The following RETREG3 variants were observed in gnomAD, a reference collection of about 807,000 sequenced individuals.
RETREG3 encodes reticulophagy regulator 3.
In RETREG3, 23 loss-of-function variants were observed where a neutral mutation model predicts 50.2. The ratio of observed to expected loss-of-function variants is 0.46; its 90% CI spans 0.33 to 0.65. RETREG3 has a LOEUF of 0.65. RETREG3 is among the 30% of genes least tolerant of loss of function. The probability of loss-of-function intolerance (pLI) is 0.02; values close to 1 mark genes in which losing one functional copy is unlikely to be tolerated. For missense variants in RETREG3, 546 were observed against 598.0 expected, an observed-to-expected ratio of 0.91 and a Z score of 0.91; for synonymous variants, 240 against 234.4, an observed-to-expected ratio of 1.02 and a Z score of -0.22.
Position 42,586,850 on chromosome 17 carries a change from A to G in RETREG3, c.419T>C (p.Leu140Pro). The change falls in exon 4 of 9, where the codon CTC becomes CCC. Residue 140 changes from leucine to proline, a missense_variant. Transcript: ENST00000309428. ...VHPRLLSVPELCHHVAEVWVS... is the reference protein window; with the variant it reads ...VHPRLLSVPEPCHHVAEVWVS... ...CCAGACTTCAGCTACATGGTGGCAG[A>G]GCTCGGGCACGCTGAGCAACCGAGG... The G allele has an allele frequency of 6.2e-7, 1 of 1,614,144 alleles. No homozygotes were observed. Among genetic ancestry groups the G allele is most frequent in the Non-Finnish European group, 8.5e-7 (1 of 1,180,020 alleles).
rs371460668 is a variant in RETREG3, at chr17:42,583,568, G to A, written c.740C>T (p.Ala247Val). ...GTCCATGGCTCGTTCTGGGTGGAGA[G>A]CTCTGCGGCGTACTGTGGGAAGAGC... ...KQRERQLRRR[A>V]LHPERAMDNH... Residue 247 changes from alanine to valine, a missense_variant, in exon 7 of 9, where the codon GCT (alanine) becomes GTT (valine). Ala to Val is a moderately conservative substitution (Grantham distance 64). Transcript: ENST00000309428. The A allele has an allele frequency of 9.2e-5, 149 of 1,613,540 alleles. No individual in the cohort carries two copies. Among genetic ancestry groups the A allele is most frequent in the Middle Eastern group, 6.6e-4 (4 of 6,082 alleles).
intron 1 of RETREG3, among the ~76,000 whole-genome samples, chr17:42,606,092 G>C (rs1486195209): frequency 6.6e-6 from 1 of 151,696 alleles, no homozygotes; most frequent in Non-Finnish European, 1.5e-5. Context: ...ACTGTGTTCT[G>C]GATACACAAC....
intron 1 of RETREG3, among the ~76,000 whole-genome samples, chr17:42,607,730 T>C (rs2093170782): frequency 6.7e-6 from 1 of 149,822 alleles, no homozygotes. Flanking sequence ...TGCTTGAATC[T>C]GGGAGGCGGA....
chr17:42,593,579 C>A (rs562016010), intron 1 of RETREG3, among the ~76,000 whole-genome samples: 196 of 145,756 alleles, frequency 1.3e-3, no homozygotes, highest in Non-Finnish European at 2.0e-3. Context: ...ACCTGGGAGG[C>A]GGAGCTTGCA....
At position 42,597,611 on chromosome 17, in the gene RETREG3, ATATATATATTT is replaced by A. The variant is rs1195984925; in HGVS notation, c.240-5460_240-5450del. 1.5e-3 allele frequency among the ~76,000 whole-genome samples: 51 copies of A among 34,210 alleles called. 1 individual carries two copies. The highest frequency in any genetic ancestry group is 2.2e-3 in the Admixed American group (5 of 2,268). The allele number at this position is 34,210 out of a possible 152,430, so 22.4% of individuals were successfully genotyped here. A position where few individuals can be genotyped will look rare whatever the true frequency, so the allele number is the denominator to read the frequency against. On this transcript the variant is annotated intron_variant, in intron 1 of 8. Transcript: ENST00000309428. ...TATATATATATATATATATATATAT[ATATATATATTT>A]TTTTTTTTTTTTTTTTTTTTTTTTT... is the stretch of plus-strand genomic sequence containing the variant.
chr17:42,598,570 C>T (rs1214036956), intron 1 of RETREG3: 1 of 152,106 alleles, frequency 6.6e-6, no homozygotes, highest in Non-Finnish European at 1.5e-5. Flanking sequence ...CTTGCAATTC[C>T]TTAAGTATCT....
At chr17:42,584,962 C>G (rs539304757) in intron 6 of RETREG3, among the ~76,000 whole-genome samples, 163 bp downstream of exon 6, 1 of 152,106 alleles carries the variant, frequency 6.6e-6, no homozygotes, top group African/African-American at 2.4e-5. Flanking sequence ...CAAGCCTGCA[C>G]AGGTTTCCCT....
intron 1 of RETREG3, among the ~76,000 whole-genome samples, chr17:42,606,425 G>A (rs975362523): frequency 6.6e-6 from 1 of 150,634 alleles, no homozygotes; most frequent in Non-Finnish European, 1.5e-5. Context: ...GTGAAATCCC[G>A]TCTCTACTAA....
intron 8 of RETREG3, 99 bp downstream of exon 8, chr17:42,582,575 A>AAAACAGG: frequency 6.5e-7 from 1 of 1,536,466 alleles, no homozygotes; most frequent in Non-Finnish European, 8.8e-7. Flanking sequence ...CATAGCTCAG[A>AAAACAGG]AAACAGGAGA....
intron 2 of RETREG3, among the ~76,000 whole-genome samples, chr17:42,590,735 G>A (rs1323595018): frequency 6.6e-6 from 1 of 152,128 alleles, no homozygotes; most frequent in Non-Finnish European, 1.5e-5. Flanking sequence ...GGGAGGCCTA[G>A]GCGGGTGGAT....
chr17:42,607,141 TC>T (rs1424800050), intron 1 of RETREG3, among the ~76,000 whole-genome samples: 1 of 152,084 alleles, frequency 6.6e-6, no homozygotes, highest in Admixed American at 6.6e-5. Flanking sequence ...AAAACACTCT[TC>T]AGTGAGGTGC....
At chr17:42,595,666 CTTTTTTTT>C (rs770492649) in intron 1 of RETREG3, among the ~76,000 whole-genome samples, 1 of 134,460 alleles carries the variant, frequency 7.4e-6, no homozygotes, top group Non-Finnish European at 1.6e-5. Flanking sequence ...TTCTTTCTTT[CTTTTTTTT>C]TTTTTTTTTT....
At chr17:42,598,706 T>G (rs1447778225) in intron 1 of RETREG3, 2 of 152,208 alleles carry the variant, frequency 1.3e-5, no homozygotes, top group Admixed American at 1.3e-4. Context: ...TTATTACCTG[T>G]CACGTTATAT....
In RETREG3 at chr17:42,581,760, G is replaced by A; in HGVS notation, c.*53C>T. 6.8e-7 allele frequency: 1 copy of A among 1,464,504 alleles called. No individual in the cohort carries two copies. Among genetic ancestry groups the A allele is most frequent in the Non-Finnish European group, 9.2e-7 (1 of 1,088,360 alleles). The allele number at this position is 1,464,504 out of a possible 1,614,324, so 90.7% of individuals were successfully genotyped here. ...TTCCCTTGCCCCATCACCTTAAGTG[G>A]GATGGGGAGAAAAAAACCTAAACCA... On this transcript the variant is annotated 3_prime_UTR_variant, in exon 9 of 9. Transcript: ENST00000309428.
intron 6 of RETREG3, 141 bp downstream of exon 6, chr17:42,584,984 T>C (rs1263084116): frequency 9.8e-7 from 1 of 1,023,952 alleles, no homozygotes; most frequent in Non-Finnish European, 1.4e-6. Context: ...GAACAGAATA[T>C]CATTTTTACC....
chr17:42,599,422 A>G (rs2093154322), intron 1 of RETREG3, among the ~76,000 whole-genome samples: 1 of 152,138 alleles, frequency 6.6e-6, no homozygotes, highest in South Asian at 2.1e-4. Flanking sequence ...TGGGAGCCTT[A>G]GGTGGGTGGA....
At chr17:42,596,758 T>C (rs1455962219) in intron 1 of RETREG3, 20 of 152,186 alleles carry the variant, frequency 1.3e-4, no homozygotes. Flanking sequence ...ATCTATACCA[T>C]TTTATATTTG....
chr17:42,609,357 G>A lies in RETREG3; in HGVS notation c.-33C>T, dbSNP rs773858505. On this transcript the variant is annotated 5_prime_UTR_variant, in exon 1 of 9. Coordinates refer to ENST00000309428, the MANE Select transcript of RETREG3 (RefSeq NM_178126.4). The stretch of plus-strand genomic sequence containing the variant: ...CGGCAGCCACAACATCCGGGGCCGT[G>A]GCCCGACAAGTCACAATAACAGCAA... The A allele has an allele frequency of 4.4e-6, 7 of 1,576,660 alleles. No individual in the cohort carries two copies. The highest frequency in any genetic ancestry group is 2.2e-5 in the East Asian group (1 of 44,608).
intron 1 of RETREG3, among the ~76,000 whole-genome samples, chr17:42,593,376 G>A (rs891363667): frequency 3.9e-5 from 6 of 152,094 alleles, no homozygotes; most frequent in Admixed American, 2.0e-4. Context: ...GAGGCCAGGC[G>A]TGGTGGTTCA....
Sources: allele counts gnomAD v4.1 joint callset (sites outside exome capture counted in the v4.1 genomes callset), GRCh38; gene constraint gnomAD v4.1.1; transcripts MANE v1.5; gene names NCBI Gene and HGNC (gene_info 2026-07-23, HGNC 2026-07-21).